RPS6KC1: variants seen among roughly 807,000 people sequenced by gnomAD.
RPS6KC1 encodes inactive ribosomal protein S6 kinase delta-1.
Under a neutral mutation model 103.8 loss-of-function variants are expected in RPS6KC1, and 54 were observed. The ratio of observed to expected loss-of-function variants is 0.52; its 90% CI spans 0.42 to 0.65. The LOEUF is 0.65. Ranked by LOEUF, RPS6KC1 falls within the 30% of genes least tolerant of loss-of-function variation. The pLI is 0.00. For missense variants in RPS6KC1, 1,151 were observed against 1,253.8 expected (o/e 0.92, Z 1.24); for synonymous variants, 439 against 438.7 (o/e 1.00, Z -0.01).
chr1:213,503,408 A>G, the RPS6KC1 span, among the ~76,000 whole-genome samples: 1 of 152,182 alleles, frequency 6.6e-6, no homozygotes. Flanking sequence ...CTGGGTAGGC[A>G]GGAGTGATCA....
the RPS6KC1 span, among the ~76,000 whole-genome samples, chr1:213,297,731 C>G: frequency 6.6e-6 from 1 of 152,220 alleles, no homozygotes; most frequent in African/African-American, 2.4e-5. Context: ...CCTCCTGGGC[C>G]TCCCAAGTAG....
the RPS6KC1 span, among the ~76,000 whole-genome samples, chr1:213,702,496 C>A: frequency 2.6e-5 from 4 of 151,796 alleles, no homozygotes; most frequent in Non-Finnish European, 5.9e-5. Flanking sequence ...AAGATCTGTC[C>A]AATTCTGAAA....
At chr1:213,470,842 CT>C in the RPS6KC1 span, among the ~76,000 whole-genome samples, 1 of 151,916 alleles carries the variant, frequency 6.6e-6, no homozygotes, top group African/African-American at 2.4e-5. Flanking sequence ...CCAGATTGGT[CT>C]TCAACTCTTG....
chr1:213,659,413 T>C, the RPS6KC1 span, among the ~76,000 whole-genome samples: 2 of 152,314 alleles, frequency 1.3e-5, no homozygotes, highest in Middle Eastern at 6.8e-3. Flanking sequence ...CATTTTCCAA[T>C]GCTATAAAAT....
chr1:213,154,132 A>G (rs1158321355), intron 6 of RPS6KC1, among the ~76,000 whole-genome samples: 1 of 127,892 alleles, frequency 7.8e-6, no homozygotes, highest in Non-Finnish European at 1.6e-5. Flanking sequence ...TCTCTGTTCT[A>G]AGCCACCTAA....
chr1:213,561,097 A>G, the RPS6KC1 span, among the ~76,000 whole-genome samples: 1 of 152,158 alleles, frequency 6.6e-6, no homozygotes, highest in Non-Finnish European at 1.5e-5. Flanking sequence ...TACATATAGG[A>G]TTACCTCAGA....
chr1:213,158,535 C>T (rs2090147142), intron 6 of RPS6KC1, among the ~76,000 whole-genome samples: 1 of 152,156 alleles, frequency 6.6e-6, no homozygotes, highest in Non-Finnish European at 1.5e-5. Context: ...ATCACAGTAG[C>T]TAATATTCAG....
chr1:213,408,074 A>G, the RPS6KC1 span, among the ~76,000 whole-genome samples: 1 of 152,300 alleles, frequency 6.6e-6, no homozygotes, highest in South Asian at 2.1e-4. Context: ...AAGCACAGGG[A>G]GACACCAGGA....
At chr1:213,708,977 A>G in the RPS6KC1 span, among the ~76,000 whole-genome samples, 1 of 152,152 alleles carries the variant, frequency 6.6e-6, no homozygotes, top group Admixed American at 6.5e-5. Context: ...GGATTTTTGC[A>G]TCAATATTCA....
chr1:213,410,950 G>A, the RPS6KC1 span, among the ~76,000 whole-genome samples: 148 of 152,236 alleles, frequency 9.7e-4, 1 homozygote, highest in African/African-American at 3.4e-3. Flanking sequence ...AGAGTCGATG[G>A]AATGGAGATG....
chr1:213,321,343 T>C, the RPS6KC1 span, among the ~76,000 whole-genome samples: 4 of 152,196 alleles, frequency 2.6e-5, no homozygotes, highest in Non-Finnish European at 5.9e-5. Flanking sequence ...CCTTGAGGTG[T>C]TCCCTTGAGG....
At chr1:213,748,633 T>C in the RPS6KC1 span, among the ~76,000 whole-genome samples, 1 of 152,328 alleles carries the variant, frequency 6.6e-6, no homozygotes, top group Non-Finnish European at 1.5e-5. Context: ...AATTAGTTCA[T>C]TTTGTGTTCT....
the RPS6KC1 span, among the ~76,000 whole-genome samples, chr1:213,612,560 A>C: frequency 6.6e-6 from 1 of 152,236 alleles, no homozygotes; most frequent in Non-Finnish European, 1.5e-5. Context: ...AATTGAGAAA[A>C]TGTACATAAA....
At chr1:213,446,019 G>A in the RPS6KC1 span, among the ~76,000 whole-genome samples, 1 of 152,192 alleles carries the variant, frequency 6.6e-6, no homozygotes, top group African/African-American at 2.4e-5. Context: ...CAGGTCTTCT[G>A]CTTCCAAACC....
At chr1:213,821,422 T>TA in the RPS6KC1 span, 1 of 152,222 alleles carries the variant, frequency 6.6e-6, no homozygotes. Flanking sequence ...GTTAATCTTT[T>TA]ACCCAAAGTT....
chr1:213,122,410 A>G (rs2084495459), intron 5 of RPS6KC1, among the ~76,000 whole-genome samples: 1 of 152,060 alleles, frequency 6.6e-6, no homozygotes, highest in Non-Finnish European at 1.5e-5. Context: ...TTGTCTTATT[A>G]TTTGTGTTAT....
intron 6 of RPS6KC1, among the ~76,000 whole-genome samples, chr1:213,135,566 C>G (rs1281432324): frequency 6.6e-6 from 1 of 152,108 alleles, no homozygotes; most frequent in Admixed American, 6.6e-5. Context: ...GTGTACTTTT[C>G]ACTATGATTT....
the RPS6KC1 span, among the ~76,000 whole-genome samples, chr1:213,683,672 G>A: frequency 1.3e-4 from 20 of 152,152 alleles, no homozygotes; most frequent in African/African-American, 4.8e-4. Flanking sequence ...AACTGTCCGA[G>A]TTCCACCTGC....
chr1:213,360,770 T>C, the RPS6KC1 span, among the ~76,000 whole-genome samples: 1 of 152,218 alleles, frequency 6.6e-6, no homozygotes, highest in Non-Finnish European at 1.5e-5. Flanking sequence ...TAGTTTTCAT[T>C]CTAACAGTCA....
Sources: gnomAD v4.1 joint callset for allele counts (sites outside exome capture counted in the v4.1 genomes callset) on GRCh38, gnomAD v4.1.1 for gene constraint, MANE v1.5 for transcripts, NCBI Gene and HGNC (gene_info 2026-07-23, HGNC 2026-07-21) for gene names.